GNG7: variants seen among roughly 807,000 people sequenced by gnomAD.
GNG7 encodes G protein subunit gamma 7.
GNG7 carries 1 observed loss-of-function variant against 4.0 expected under a neutral mutation model. The observed-to-expected ratio is 0.25, with a 90% CI of 0.09 to 1.18. GNG7 has a LOEUF of 1.18. Ranked by LOEUF, GNG7 falls within the 50% of genes most tolerant of loss-of-function variation. The pLI, the probability that GNG7 is intolerant of heterozygous loss-of-function variation, is 0.50. For missense variants in GNG7, 86 were observed against 91.9 expected (o/e 0.94, Z 0.26); for synonymous variants, 34 against 36.9 (o/e 0.92, Z 0.29).
chr19:2,677,180 C>T (rs1395616507), intron 1 of GNG7, among the ~76,000 whole-genome samples: 1 of 152,032 alleles, frequency 6.6e-6, no homozygotes, highest in Non-Finnish European at 1.5e-5. Context: ...CCAGGAGACG[C>T]TGAGCTCGGT....
rs934255053 is a variant in GNG7 at position 2,512,982 on chromosome 19, G to A, written c.*2040C>T. On this transcript the variant is annotated 3_prime_UTR_variant, in exon 5 of 5. Transcript: ENST00000382159. This position sits in a 1 kb window ranked among gnomAD's most constrained non-coding sequence, Gnocchi z 4.7. ...CTCCGGGAGCCTCTGGGGCTCTCCCGGGCCAACAGCAGGTTTGGCGGGTAG... is the reference window on the plus strand; with the variant it reads ...CTCCGGGAGCCTCTGGGGCTCTCCCAGGCCAACAGCAGGTTTGGCGGGTAG... 27 of 985,338 alleles carry A rather than the reference G, an allele frequency of 2.7e-5. No homozygotes were observed. The highest frequency in any genetic ancestry group is 5.2e-4 in the Middle Eastern group (1 of 1,936). The allele number at this position is 985,338 out of a possible 1,614,324, so 61.0% of individuals were successfully genotyped here.
chr19:2,637,105 C>T (rs1982331500), intron 2 of GNG7, among the ~76,000 whole-genome samples: 2 of 152,126 alleles, frequency 1.3e-5, no homozygotes, highest in Admixed American at 6.5e-5. Context: ...CCTGCCGGCT[C>T]CAGGCCCGGG....
At chr19:2,673,492 A>T (rs1222791789) in intron 1 of GNG7, among the ~76,000 whole-genome samples, 1 of 151,804 alleles carries the variant, frequency 6.6e-6, no homozygotes, top group Non-Finnish European at 1.5e-5. Flanking sequence ...CAGGAATTCG[A>T]GACCAGCCTG....
intron 3 of GNG7, among the ~76,000 whole-genome samples, chr19:2,554,543 C>T (rs1185234414): frequency 7.3e-6 from 1 of 136,822 alleles, no homozygotes; most frequent in African/African-American, 2.7e-5. Flanking sequence ...AATATATATG[C>T]TATATATATA....
At chr19:2,606,362 ACT>A (rs1981384450) in intron 2 of GNG7, among the ~76,000 whole-genome samples, 1 of 150,908 alleles carries the variant, frequency 6.6e-6, no homozygotes, top group South Asian at 2.1e-4. Flanking sequence ...ACAAAGTTAG[ACT>A]CTGTTTCTGG....
intron 2 of GNG7, among the ~76,000 whole-genome samples, chr19:2,615,848 C>T (rs1257577921): frequency 2.0e-5 from 3 of 152,120 alleles, no homozygotes; most frequent in South Asian, 2.1e-4. Flanking sequence ...AGCAGCAAGG[C>T]GGAGGAGGCA....
At chr19:2,537,033 G>A (rs1333217876) in intron 3 of GNG7, among the ~76,000 whole-genome samples, 5 of 149,338 alleles carry the variant, frequency 3.3e-5, no homozygotes, top group Non-Finnish European at 7.4e-5. Flanking sequence ...TGCAAGCTCC[G>A]CCTCCCGGGT....
At chr19:2,624,598 G>A (rs1394285102) in intron 2 of GNG7, among the ~76,000 whole-genome samples, 1 of 152,124 alleles carries the variant, frequency 6.6e-6, no homozygotes, top group Non-Finnish European at 1.5e-5. Flanking sequence ...TGGCTCTCAG[G>A]CAGAGCTCCA....
At chr19:2,584,599 AAGAG>A (rs1330076227) in intron 2 of GNG7, among the ~76,000 whole-genome samples, 1 of 135,548 alleles carries the variant, frequency 7.4e-6, no homozygotes, top group Non-Finnish European at 1.6e-5. Flanking sequence ...CTGCCTTAAA[AAGAG>A]AGAGAGAGGG....
At chr19:2,589,061 T>A (rs1382765757) in intron 2 of GNG7, among the ~76,000 whole-genome samples, 2 of 152,020 alleles carry the variant, frequency 1.3e-5, no homozygotes, top group East Asian at 3.9e-4. Context: ...CCCAAGTAGC[T>A]GGGATTACAG....
chr19:2,568,415 T>TAC (rs373126594), intron 2 of GNG7, among the ~76,000 whole-genome samples: 1 of 62,184 alleles, frequency 1.6e-5, no homozygotes. Flanking sequence ...CATATACACA[T>TAC]AGACATACAC....
chr19:2,659,353 G>A (rs1369988886), intron 1 of GNG7, among the ~76,000 whole-genome samples: 1 of 150,658 alleles, frequency 6.6e-6, no homozygotes, highest in Non-Finnish European at 1.5e-5. Context: ...CTGAGATGGG[G>A]GGATCACCTG....
chr19:2,570,396 T>C (rs1980110049), intron 2 of GNG7, among the ~76,000 whole-genome samples: 1 of 152,046 alleles, frequency 6.6e-6, no homozygotes, highest in Non-Finnish European at 1.5e-5. Flanking sequence ...ACTATGACAG[T>C]CAGGCACGGG....
intron 1 of GNG7, among the ~76,000 whole-genome samples, chr19:2,698,423 G>A (rs867790816): frequency 1.3e-5 from 2 of 151,958 alleles, no homozygotes; most frequent in Non-Finnish European, 2.9e-5. Flanking sequence ...AATTAGCCGG[G>A]TGCAGTGGTG....
chr19:2,593,252 G>A (rs1980904888), intron 2 of GNG7, among the ~76,000 whole-genome samples: 1 of 152,052 alleles, frequency 6.6e-6, no homozygotes, highest in South Asian at 2.1e-4. Flanking sequence ...ACGGCCTGAT[G>A]TTGTTCTTAA....
chr19:2,533,739 G>A (rs1599376987), intron 3 of GNG7, among the ~76,000 whole-genome samples: 1 of 152,120 alleles, frequency 6.6e-6, no homozygotes, highest in South Asian at 2.1e-4. Context: ...CCTTTTAAAA[G>A]GTAAAACTAG....
intron 3 of GNG7, among the ~76,000 whole-genome samples, chr19:2,537,782 G>C (rs968298344): frequency 1.3e-5 from 2 of 152,008 alleles, no homozygotes; most frequent in African/African-American, 4.8e-5. Context: ...AATTATGAAA[G>C]GTCTTGAGGG....
At chr19:2,521,383 T>C (rs1978307708) in intron 3 of GNG7, among the ~76,000 whole-genome samples, 1 of 152,200 alleles carries the variant, frequency 6.6e-6, no homozygotes, top group African/African-American at 2.4e-5. Flanking sequence ...GCAGGGGTTC[T>C]TGCCCTCCAG....
intron 1 of GNG7, among the ~76,000 whole-genome samples, chr19:2,652,246 G>A (rs544457509): frequency 1.5e-4 from 23 of 152,222 alleles, no homozygotes; most frequent in Middle Eastern, 3.4e-3. Context: ...ACGATGCCAA[G>A]TGAAATAGGC....
Sources: gnomAD v4.1 joint callset for allele counts (sites outside exome capture counted in the v4.1 genomes callset) on GRCh38, gnomAD v4.1.1 for gene constraint, Gnocchi (gnomAD v3.1) non-coding constraint, MANE v1.5 for transcripts, NCBI Gene and HGNC (gene_info 2026-07-23, HGNC 2026-07-21) for gene names.